RNGTT: variants seen among roughly 807,000 people sequenced by gnomAD.
RNGTT encodes the protein RNA guanylyltransferase and 5'-phosphatase.
Under a neutral mutation model 79.3 loss-of-function variants are expected in RNGTT, and 33 were observed. The observed-to-expected ratio is 0.42, with a 90% CI of 0.32 to 0.56. RNGTT has a LOEUF of 0.56. Among genes scored for constraint, RNGTT ranks in the 20% least tolerant of loss-of-function variants. The pLI is 0.17. For missense variants in RNGTT, 497 were observed against 739.1 expected (o/e 0.67, Z 3.80); for synonymous variants, 222 against 235.9 (o/e 0.94, Z 0.54).
intron 1 of RNGTT, among the ~76,000 whole-genome samples, chr6:88,953,647 G>C (rs1037060757): frequency 4.6e-5 from 7 of 152,154 alleles, no homozygotes; most frequent in African/African-American, 1.7e-4. Flanking sequence ...ATCACAAAAA[G>C]ATCATTACCT....
At chr6:88,664,883 A>T (rs1490847298) in intron 14 of RNGTT, among the ~76,000 whole-genome samples, 2 of 151,890 alleles carry the variant, frequency 1.3e-5, no homozygotes, top group East Asian at 3.9e-4. Flanking sequence ...TTCAGTAGTG[A>T]CCACCCCGGT....
intron 14 of RNGTT, among the ~76,000 whole-genome samples, chr6:88,661,718 A>G (rs890587882): frequency 2.0e-5 from 3 of 152,236 alleles, no homozygotes; most frequent in Admixed American, 2.0e-4. Context: ...GACCAGATGG[A>G]TTCACAGCTA....
chr6:88,784,559 A>G (rs1485066096), intron 12 of RNGTT, among the ~76,000 whole-genome samples: 3 of 151,938 alleles, frequency 2.0e-5, no homozygotes, highest in Non-Finnish European at 4.4e-5. Flanking sequence ...TTTAGAGACT[A>G]TTTCAGTTTG....
intron 8 of RNGTT, among the ~76,000 whole-genome samples, chr6:88,868,214 T>C (rs1782237380): frequency 6.6e-6 from 1 of 151,254 alleles, no homozygotes; most frequent in Non-Finnish European, 1.5e-5. Context: ...ACTCAGCAAA[T>C]CAGGTGGTCC....
At chr6:88,891,688 TA>T (rs1457329986) in intron 7 of RNGTT, 117 bp downstream of exon 7, 4 of 557,732 alleles carry the variant, frequency 7.2e-6, no homozygotes, top group Non-Finnish European at 1.2e-5. Context: ...CTGACACCTT[TA>T]AAGTATTCTA....
chr6:88,939,971 TG>T (rs1784795539), intron 2 of RNGTT, among the ~76,000 whole-genome samples: 1 of 151,618 alleles, frequency 6.6e-6, no homozygotes, highest in African/African-American at 2.4e-5. Flanking sequence ...CTGCCCACAC[TG>T]GTCTCAAACT....
At chr6:88,849,685 A>G in intron 10 of RNGTT, 70 bp downstream of exon 10, 1 of 1,380,716 alleles carries the variant, frequency 7.2e-7, no homozygotes, top group South Asian at 1.6e-5. Flanking sequence ...AGGCAGCACC[A>G]AAGACTATTG....
chr6:88,817,790 C>T (rs1407975630), intron 11 of RNGTT, among the ~76,000 whole-genome samples: 4 of 115,308 alleles, frequency 3.5e-5, no homozygotes, highest in Non-Finnish European at 5.0e-5. Context: ...GACGGAGTCT[C>T]GCTGTGTCTC....
intron 12 of RNGTT, among the ~76,000 whole-genome samples, chr6:88,798,808 A>G (rs1779686506): frequency 6.6e-6 from 1 of 152,238 alleles, no homozygotes. Context: ...AACACAATAA[A>G]GGATATCTAA....
intron 8 of RNGTT, among the ~76,000 whole-genome samples, chr6:88,860,822 CT>C (rs1262737460): frequency 2.8e-5 from 4 of 140,598 alleles, no homozygotes; most frequent in Non-Finnish European, 6.2e-5. Context: ...TTTTTTTTAA[CT>C]TAAAAAAAAA....
At chr6:88,760,303 G>C (rs1778170105) in intron 13 of RNGTT, among the ~76,000 whole-genome samples, 1 of 152,124 alleles carries the variant, frequency 6.6e-6, no homozygotes, top group Admixed American at 6.5e-5. Context: ...GGAAACAAGA[G>C]TTACTAATAC....
At chr6:88,821,159 G>A (rs760731458) in intron 11 of RNGTT, among the ~76,000 whole-genome samples, 7 of 152,052 alleles carry the variant, frequency 4.6e-5, no homozygotes, top group Non-Finnish European at 7.4e-5. Context: ...CATAAATACA[G>A]TCAAGTGATC....
intron 13 of RNGTT, among the ~76,000 whole-genome samples, chr6:88,734,286 C>T (rs1377863714): frequency 6.6e-6 from 1 of 151,408 alleles, no homozygotes; most frequent in East Asian, 1.9e-4. Flanking sequence ...ATATTGCAAA[C>T]CCTAGGACAA....
Position 88,914,502 on chromosome 6 carries a change from G to A in RNGTT, c.368-8062C>T, listed in dbSNP as rs1002866862. Among the ~76,000 whole-genome samples the A allele has an allele frequency of 9.3e-5, 14 of 150,386 alleles. No homozygotes were observed. In the South Asian group the frequency reaches 2.3e-3, roughly 25 times the overall value. On this transcript the variant is annotated intron_variant, in intron 4 of 15. Coordinates refer to ENST00000369485, the MANE Select transcript of RNGTT (RefSeq NM_003800.5). The stretch of plus-strand genomic sequence containing the variant: ...TAAAGCCACATACCTACAACTAATC[G>A]ATCTTCAACAAAGTCACAAAAATAA...
rs997213130 is a variant in RNGTT at position 88,685,546 on chromosome 6, G to A, written c.1440-7127C>T. Among the ~76,000 whole-genome samples, 10 of 151,432 alleles carry A rather than the reference G, an allele frequency of 6.6e-5. 1 individual carries two copies. The highest frequency in any genetic ancestry group is 4.2e-4 in the South Asian group (2 of 4,764). On this transcript the variant is annotated intron_variant, in intron 13 of 15. Coordinates refer to ENST00000369485, the MANE Select transcript of RNGTT (RefSeq NM_003800.5). ...GAGAGGAGAGGGGAGAAGGGGGGAG[G>A]ATGAGGAGGGAAAAGGAGGAAAGAG...
At chr6:88,671,990 A>G (rs995540960) in intron 14 of RNGTT, among the ~76,000 whole-genome samples, 6 of 152,242 alleles carry the variant, frequency 3.9e-5, no homozygotes, top group East Asian at 3.9e-4. Context: ...TAAATTTAAG[A>G]CCTGAAACCA....
intron 6 of RNGTT, among the ~76,000 whole-genome samples, chr6:88,900,579 C>A (rs1582107736): frequency 6.6e-6 from 1 of 151,272 alleles, no homozygotes; most frequent in East Asian, 2.0e-4. Flanking sequence ...ACTAAAAATA[C>A]AAAAATTGGC....
chr6:88,708,348 T>C (rs980162092), intron 13 of RNGTT, among the ~76,000 whole-genome samples: 3 of 152,156 alleles, frequency 2.0e-5, no homozygotes, highest in Admixed American at 2.0e-4. Context: ...GTTAGCTCAC[T>C]GACCATTGTC....
At chr6:88,844,974 G>A (rs1781439972) in intron 10 of RNGTT, among the ~76,000 whole-genome samples, 1 of 151,764 alleles carries the variant, frequency 6.6e-6, no homozygotes, top group South Asian at 2.1e-4. Flanking sequence ...CTGAATTAAA[G>A]TATTAATATA....
Sources: gnomAD v4.1 joint callset for allele counts (sites outside exome capture counted in the v4.1 genomes callset) on GRCh38, gnomAD v4.1.1 for gene constraint, MANE v1.5 for transcripts, NCBI Gene and HGNC (gene_info 2026-07-23, HGNC 2026-07-21) for gene names.